Variants in OSBPL8 observed in about 807,000 individuals in gnomAD.
The protein encoded by OSBPL8 is oxysterol binding protein like 8.
A neutral mutation model predicts 125.5 loss-of-function variants in OSBPL8; 59 were observed. The observed-to-expected ratio is 0.47, with a 90% CI of 0.38 to 0.58. OSBPL8 has a LOEUF of 0.58. OSBPL8 is among the 20% of genes least tolerant of loss of function. OSBPL8 has a pLI of 0.00. For synonymous variants in OSBPL8, 330 were observed against 338.9 expected (o/e 0.97, Z 0.29); for missense variants, 758 against 1,047.8 (o/e 0.72, Z 3.82).
At chr12:76,415,161 T>C (rs527596821) in intron 4 of OSBPL8, among the ~76,000 whole-genome samples, 7 of 152,314 alleles carry the variant, frequency 4.6e-5, no homozygotes, top group African/African-American at 1.4e-4. Context: ...ACTAGAATTA[T>C]TCTTTCATTT....
chr12:76,441,376 T>G (rs923067043), intron 4 of OSBPL8, among the ~76,000 whole-genome samples: 3 of 152,308 alleles, frequency 2.0e-5, no homozygotes, highest in African/African-American at 7.2e-5. Flanking sequence ...GAAAAAATTC[T>G]ATGAAGCTGT....
chr12:76,371,381 T>A, intron 19 of OSBPL8, 67 bp downstream of exon 19: 1 of 1,444,008 alleles, frequency 6.9e-7, no homozygotes, highest in Non-Finnish European at 9.2e-7. Flanking sequence ...AAAATGACCA[T>A]ATCATTAAGG....
chr12:76,491,777 T>C (rs920289502), intron 1 of OSBPL8, among the ~76,000 whole-genome samples: 1 of 152,234 alleles, frequency 6.6e-6, no homozygotes, highest in East Asian at 1.9e-4. Context: ...AAACAGCAGA[T>C]GATATAAAAA....
intron 2 of OSBPL8, among the ~76,000 whole-genome samples, chr12:76,483,829 G>A (rs938707553): frequency 9.3e-5 from 14 of 151,180 alleles, no homozygotes; most frequent in African/African-American, 1.2e-4. Context: ...TGCCCGCCAC[G>A]CCACCTGGCT....
chr12:76,483,520 T>C (rs558567797), intron 2 of OSBPL8, among the ~76,000 whole-genome samples: 1 of 151,732 alleles, frequency 6.6e-6, no homozygotes, highest in Non-Finnish European at 1.5e-5. Flanking sequence ...GCCGAGACCA[T>C]GCCACTGCAC....
At chr12:76,473,160 G>A (rs1840951146) in intron 2 of OSBPL8, among the ~76,000 whole-genome samples, 1 of 151,920 alleles carries the variant, frequency 6.6e-6, no homozygotes, top group Non-Finnish European at 1.5e-5. Context: ...CTCTCTGTGT[G>A]GCCTGGTTTT....
intron 1 of OSBPL8, among the ~76,000 whole-genome samples, chr12:76,518,909 G>T (rs531670142): frequency 1.1e-4 from 17 of 152,312 alleles, no homozygotes; most frequent in African/African-American, 4.1e-4. Context: ...TGATGGGAGA[G>T]GCTGCTTCTA....
intron 4 of OSBPL8, chr12:76,422,853 C>A: frequency 8.7e-6 from 2 of 229,400 alleles, no homozygotes; most frequent in South Asian, 6.4e-5. Flanking sequence ...ACAGAAAAAG[C>A]ATTAAACCAT....
chr12:76,362,714 T>A (rs1952254362), intron 21 of OSBPL8, among the ~76,000 whole-genome samples: 1 of 152,146 alleles, frequency 6.6e-6, no homozygotes, highest in African/African-American at 2.4e-5. Context: ...ATAGAGGGTA[T>A]TCAAATAGGA....
chr12:76,356,757 A>T lies in OSBPL8; in HGVS notation c.2435-29T>A, dbSNP rs773986331. ...AAAAGACATTTAGAATGAAGTTGAA[A>T]CTATAAAAATAATCTACAGTTCAAT... On this transcript the variant is annotated intron_variant, in intron 22 of 23. Transcript: ENST00000261183. 207 of 1,445,142 alleles carry T rather than the reference A, an allele frequency of 1.4e-4. 1 individual carries two copies. Among genetic ancestry groups the T allele is most frequent in the Non-Finnish European group, 2.0e-4 (204 of 1,042,858 alleles). The allele number at this position is 1,445,142 out of a possible 1,614,324, so 89.5% of individuals were successfully genotyped here. A position where few individuals can be genotyped will look rare whatever the true frequency, so the allele number is the denominator to read the frequency against.
intron 1 of OSBPL8, among the ~76,000 whole-genome samples, chr12:76,502,642 G>A (rs571130490): frequency 2.1e-4 from 32 of 152,298 alleles, no homozygotes; most frequent in African/African-American, 7.5e-4. Flanking sequence ...GGTGATTAAA[G>A]TCAACAGAAA....
chr12:76,448,567 A>G (rs1872992598), intron 4 of OSBPL8, among the ~76,000 whole-genome samples: 1 of 152,230 alleles, frequency 6.6e-6, no homozygotes, highest in South Asian at 2.1e-4. Flanking sequence ...CATTTTGGCA[A>G]CAAAAATGCT....
chr12:76,498,303 T>C (rs1413136812), intron 1 of OSBPL8, among the ~76,000 whole-genome samples: 1 of 152,204 alleles, frequency 6.6e-6, no homozygotes, highest in Non-Finnish European at 1.5e-5. Flanking sequence ...CTGGTCCTTT[T>C]TCTAGCCAAT....
At chr12:76,487,126 T>G (rs1288551060) in intron 2 of OSBPL8, among the ~76,000 whole-genome samples, 5 of 149,692 alleles carry the variant, frequency 3.3e-5, no homozygotes, top group Non-Finnish European at 7.4e-5. Context: ...ACCTCCCAAG[T>G]TCAAGCAATT....
chr12:76,466,475 G>A (rs2136881673), intron 2 of OSBPL8, among the ~76,000 whole-genome samples: 1 of 152,192 alleles, frequency 6.6e-6, no homozygotes, highest in South Asian at 2.1e-4. Flanking sequence ...AGCAACTTCT[G>A]AATATGGCAA....
At chr12:76,487,264 C>G (rs1178971064) in intron 2 of OSBPL8, among the ~76,000 whole-genome samples, 2 of 151,998 alleles carry the variant, frequency 1.3e-5, no homozygotes, top group Non-Finnish European at 2.9e-5. Flanking sequence ...CTCCTGAGCT[C>G]AGGTAATCCA....
At chr12:76,467,531 T>G (rs901190006) in intron 2 of OSBPL8, among the ~76,000 whole-genome samples, 1 of 152,232 alleles carries the variant, frequency 6.6e-6, no homozygotes. Flanking sequence ...GCTTCCACAC[T>G]GATTTGCCCA....
intron 21 of OSBPL8, among the ~76,000 whole-genome samples, chr12:76,367,147 A>G (rs1952447058): frequency 6.6e-6 from 1 of 151,864 alleles, no homozygotes; most frequent in Non-Finnish European, 1.5e-5. Context: ...TAGTTTACTG[A>G]ATTCTTCATC....
chr12:76,358,635 A>C, intron 22 of OSBPL8, 71 bp downstream of exon 22: 1 of 1,300,752 alleles, frequency 7.7e-7, no homozygotes, highest in Non-Finnish European at 1.1e-6. Context: ...AATATGAAAA[A>C]CCATATTCAT....
Sources: allele counts gnomAD v4.1 joint callset (sites outside exome capture counted in the v4.1 genomes callset), GRCh38; gene constraint gnomAD v4.1.1; transcripts MANE v1.5; gene names NCBI Gene and HGNC (gene_info 2026-07-23, HGNC 2026-07-21).